GRID1: variants seen among roughly 807,000 people sequenced by gnomAD.
The protein encoded by GRID1 is glutamate receptor ionotropic, delta-1.
In GRID1, 28 loss-of-function variants were observed where a neutral mutation model predicts 98.0. The ratio of observed to expected loss-of-function variants is 0.29; its 90% CI spans 0.21 to 0.39. The LOEUF (loss-of-function observed/expected upper bound fraction) is 0.39, where lower values mean the gene tolerates loss of function less well. Among genes scored for constraint, GRID1 ranks in the 10% least tolerant of loss-of-function variants. GRID1 has a pLI of 1.00. For missense variants in GRID1, 1,111 were observed against 1,340.5 expected (o/e 0.83, Z 2.67); for synonymous variants, 553 against 538.5 (o/e 1.03, Z -0.37).
chr10:86,359,232 C>T (rs1467831750), intron 2 of GRID1, among the ~76,000 whole-genome samples: 3 of 152,178 alleles, frequency 2.0e-5, no homozygotes, highest in East Asian at 3.8e-4. Flanking sequence ...CTCAGAGAGC[C>T]TCTGATGGTG....
intron 4 of GRID1, among the ~76,000 whole-genome samples, chr10:86,056,633 C>T (rs191040507): frequency 1.3e-3 from 197 of 152,306 alleles, no homozygotes; most frequent in African/African-American, 4.5e-3. Context: ...TCCTTTACAG[C>T]CAAAGAAATG....
intron 4 of GRID1, among the ~76,000 whole-genome samples, chr10:86,079,985 C>G (rs1843941730): frequency 6.6e-6 from 1 of 152,172 alleles, no homozygotes. Context: ...AAAAGGGAAC[C>G]ATGTCCCAAA....
At chr10:86,235,452 AGCAAATTTATACAATTGT>A (rs1258030294) in intron 2 of GRID1, among the ~76,000 whole-genome samples, 1 of 152,252 alleles carries the variant, frequency 6.6e-6, no homozygotes, top group Non-Finnish European at 1.5e-5. Context: ...TTTGAGTTTT[AGCAAATTTATACAATTGT>A]GCAACCATCC....
At chr10:86,354,073 C>T (rs894339290) in intron 2 of GRID1, among the ~76,000 whole-genome samples, 11 of 152,222 alleles carry the variant, frequency 7.2e-5, no homozygotes, top group African/African-American at 1.9e-4. Context: ...AGAAGGCCCA[C>T]GGCCCCAGGC....
At chr10:86,146,703 G>A (rs1404642529) in intron 3 of GRID1, among the ~76,000 whole-genome samples, 1 of 152,096 alleles carries the variant, frequency 6.6e-6, no homozygotes, top group Non-Finnish European at 1.5e-5. Context: ...CCCTATGCTT[G>A]GTTCCAGAGC....
At chr10:86,308,126 C>G (rs1367279224) in intron 2 of GRID1, among the ~76,000 whole-genome samples, 1 of 152,150 alleles carries the variant, frequency 6.6e-6, no homozygotes, top group African/African-American at 2.4e-5. Context: ...TTCTGCAGTC[C>G]AGAATTCTGC....
At chr10:85,792,162 C>T (rs1842486519) in intron 8 of GRID1, among the ~76,000 whole-genome samples, 1 of 152,192 alleles carries the variant, frequency 6.6e-6, no homozygotes, top group Admixed American at 6.5e-5. Flanking sequence ...CTCCCTGAAA[C>T]CATCATCTAC....
At chr10:85,788,911 G>C (rs1180157653) in intron 8 of GRID1, among the ~76,000 whole-genome samples, 1 of 152,186 alleles carries the variant, frequency 6.6e-6, no homozygotes, top group Non-Finnish European at 1.5e-5. Context: ...GTCAGTGGGA[G>C]GTAGGGTGGG....
chr10:86,212,283 GGAA>G (rs1846118173), intron 2 of GRID1, among the ~76,000 whole-genome samples: 1 of 152,214 alleles, frequency 6.6e-6, no homozygotes, highest in South Asian at 2.1e-4. Context: ...TGCTCACCCA[GGAA>G]GAAGATCTGC....
intron 4 of GRID1, among the ~76,000 whole-genome samples, chr10:85,949,593 T>C (rs1589310032): frequency 6.6e-6 from 1 of 152,220 alleles, no homozygotes; most frequent in African/African-American, 2.4e-5. Flanking sequence ...TGCTGCCACA[T>C]TGTTTGTGCT....
intron 4 of GRID1, among the ~76,000 whole-genome samples, chr10:86,051,534 A>G (rs1019398741): frequency 3.7e-4 from 57 of 152,254 alleles, no homozygotes; most frequent in African/African-American, 1.3e-3. Context: ...AAAAAAATCA[A>G]TGAACTGGTT....
chr10:85,634,249 C>CCTCTCTCCCTCTCTCTCTCTCTCTCT (rs1554860993), intron 13 of GRID1, among the ~76,000 whole-genome samples: 1 of 92,314 alleles, frequency 1.1e-5, no homozygotes, highest in Non-Finnish European at 2.1e-5. Flanking sequence ...TGATGGGGCA[C>CCTCTCTCCCTCTCTCTCTCTCTCTCT]CTCTCTCTCT....
rs577252468 is a variant in GRID1 at position 86,188,761 on chromosome 10, A to G, written c.520+17603T>C. Among the ~76,000 whole-genome samples the G allele has an allele frequency of 3.3e-5, 5 of 152,344 alleles. No homozygotes were observed. In the East Asian group the frequency reaches 9.6e-4, roughly 29 times the overall value. ...ACAGAACCCCAAATGTGCTAGGCAC[A>G]TCAGTAATCCCATTTAATCCACTAT... is the stretch of plus-strand genomic sequence containing the variant. On this transcript the variant is annotated intron_variant, in intron 3 of 15. Transcript: ENST00000327946.
Position 86,364,065 on chromosome 10 carries a change from G to A in GRID1, c.111C>T (p.Asp37=), listed in dbSNP as rs1390185701. ...GAIFEENAAK[D]DRVFQLAVSD... ...ATACCGCCAACTGGAACACCCTGTCGTCCTTGGCCGCGTTCTCCTCGAAGA... is the reference window on the plus strand; with the variant it reads ...ATACCGCCAACTGGAACACCCTGTCATCCTTGGCCGCGTTCTCCTCGAAGA... The change falls in exon 2 of 16, where the codon GAC becomes GAT. Residue 37 remains aspartate (D), a synonymous_variant. Transcript: ENST00000327946. The A allele has an allele frequency of 3.1e-6, 5 of 1,613,814 alleles. No individual in the cohort carries two copies. The highest frequency in any genetic ancestry group is 1.7e-5 in the Admixed American group (1 of 60,006).
intron 3 of GRID1, among the ~76,000 whole-genome samples, chr10:86,200,589 C>T (rs1333689595): frequency 6.6e-6 from 1 of 152,116 alleles, no homozygotes. Context: ...TTCTGACATT[C>T]AGGTAGGAAA....
intron 12 of GRID1, among the ~76,000 whole-genome samples, chr10:85,679,302 C>T (rs930385498): frequency 1.3e-5 from 2 of 152,232 alleles, no homozygotes; most frequent in African/African-American, 2.4e-5. Context: ...TAAAATATGA[C>T]TCCTGTCGAA....
At chr10:85,620,558 G>A (rs974750450) in intron 13 of GRID1, among the ~76,000 whole-genome samples, 2 of 152,144 alleles carry the variant, frequency 1.3e-5, no homozygotes, top group African/African-American at 2.4e-5. Flanking sequence ...TCAGTGCTGC[G>A]GAGTAATGGT....
rs546740512 is a variant in GRID1, at chr10:86,294,782, G to A, written c.235+69159C>T. 2.0e-4 allele frequency among the ~76,000 whole-genome samples: 30 copies of A among 152,288 alleles called. No individual in the cohort carries two copies. In the South Asian group the frequency reaches 5.0e-3, roughly 25 times the overall value. ...TAGGTGATATTCAAAGGTGTGAGAC[G>A]GTCAGAAGTCATCAAGAAAAGGAGT... On this transcript the variant is annotated intron_variant, in intron 2 of 15. Coordinates refer to ENST00000327946, the MANE Select transcript of GRID1 (RefSeq NM_017551.3).
intron 2 of GRID1, among the ~76,000 whole-genome samples, chr10:86,302,067 C>G (rs567472791): frequency 6.6e-6 from 1 of 152,222 alleles, no homozygotes; most frequent in South Asian, 2.1e-4. Context: ...TACTTCTGTG[C>G]TAAAAGCCTC....
Sources: allele counts gnomAD v4.1 joint callset (sites outside exome capture counted in the v4.1 genomes callset), GRCh38; gene constraint gnomAD v4.1.1; transcripts MANE v1.5; gene names NCBI Gene and HGNC (gene_info 2026-07-23, HGNC 2026-07-21).